The following ATG2B variants were observed in gnomAD, a reference collection of about 807,000 sequenced individuals.
The protein encoded by ATG2B is autophagy related 2B.
ATG2B carries 121 observed loss-of-function variants against 241.3 expected under a neutral mutation model. The observed-to-expected ratio is 0.50, with a 90% CI of 0.43 to 0.58. The LOEUF is 0.58. ATG2B is among the 20% of genes least tolerant of loss of function. The pLI, the probability that ATG2B is intolerant of heterozygous loss-of-function variation, is 0.00. For missense variants in ATG2B, 2,306 were observed against 2,491.6 expected (o/e 0.93, Z 1.59); for synonymous variants, 858 against 876.6 (o/e 0.98, Z 0.37).
In ATG2B at chr14:96,347,342, C is replaced by T. The variant is rs748244783; in HGVS notation, c.163-1G>A. ...CTGACTCCAAGATCTCATTGAGACA[C>T]TAAGGAGAAAAAACAGGTTCATTAT... On this transcript the variant is annotated splice_acceptor_variant, in intron 1 of 41. Transcript: ENST00000359933. LOFTEE classifies it high-confidence loss of function. 1 of 1,547,344 alleles carries T rather than the reference C, an allele frequency of 6.5e-7. No homozygotes were observed. The highest frequency in any genetic ancestry group is 8.8e-7 in the Non-Finnish European group (1 of 1,134,926).
intron 6 of ATG2B, among the ~76,000 whole-genome samples, chr14:96,339,361 CAT>C (rs1380723028): frequency 6.6e-6 from 1 of 151,190 alleles, no homozygotes; most frequent in Non-Finnish European, 1.5e-5. Flanking sequence ...TATATACACA[CAT>C]ATATATGTAT....
intron 41 of ATG2B, among the ~76,000 whole-genome samples, chr14:96,288,789 T>C (rs1486702735): frequency 1.4e-5 from 2 of 146,582 alleles, no homozygotes; most frequent in African/African-American, 5.1e-5. Context: ...TGCCAGGGAA[T>C]GACGCTGACA....
Position 96,295,497 on chromosome 14 carries a change from T to C in ATG2B, c.5203A>G (p.Thr1735Ala), listed in dbSNP as rs771796071. Reference sequence around the variant, plus strand: ...TATTTAATACCTTCTGGATCTGGAGTCATTTGAAGCTCTACTTCTGCAGAA... The same window carrying C: ...TATTTAATACCTTCTGGATCTGGAGCCATTTGAAGCTCTACTTCTGCAGAA... Reference protein sequence around the residue: ...SLSAEVELQMTPDPEVKKSPG... With the variant: ...SLSAEVELQMAPDPEVKKSPG... The change falls in exon 35 of 42, where the codon ACT (threonine) becomes GCT (alanine). Residue 1735 changes from threonine (T) to alanine (A), a missense_variant. This residue lies in a region of ATG2B where 379 missense variants were observed against 480.4 expected (regional missense o/e 0.79). Transcript: ENST00000359933. 6.2e-7 allele frequency: 1 copy of C among 1,602,002 alleles called. No individual in the cohort carries two copies. The highest frequency in any genetic ancestry group is 1.7e-5 in the Admixed American group (1 of 57,360).
Position 96,331,344 on chromosome 14 carries a change from A to G in ATG2B, c.1730+32T>C, listed in dbSNP as rs761951422. Reference sequence around the variant, plus strand: ...GGATCATTAGCATATGTGGAAGTTTAAAGGATCATTAATACATATGTGAGA... The same window carrying G: ...GGATCATTAGCATATGTGGAAGTTTGAAGGATCATTAATACATATGTGAGA... On this transcript the variant is annotated intron_variant, in intron 11 of 41. Transcript: ENST00000359933. The G allele has an allele frequency of 1.9e-6, 3 of 1,566,856 alleles. No individual in the cohort carries two copies. The South Asian group carries it at 3.6e-5, about 19-fold the overall frequency.
At position 96,339,427 on chromosome 14, in the gene ATG2B, T is replaced by C. The variant is rs1887953740; in HGVS notation, c.924+2095A>G. On this transcript the variant is annotated intron_variant, in intron 6 of 41. Transcript: ENST00000359933. ...TGTATGTGGTGCGTGTATATATATA[T>C]GGTGTATATTTATGTGGTATACATA... 1.3e-5 allele frequency among the ~76,000 whole-genome samples: 2 copies of C among 151,988 alleles called. 1 individual carries two copies. Among genetic ancestry groups the C allele is most frequent in the Admixed American group, 1.3e-4 (2 of 15,254 alleles).
Position 96,332,396 on chromosome 14 carries a change from C to G in ATG2B, c.1377G>C (p.Trp459Cys). 1 of 1,613,716 alleles carries G rather than the reference C, an allele frequency of 6.2e-7. No individual in the cohort carries two copies. Among genetic ancestry groups the G allele is most frequent in the Non-Finnish European group, 8.5e-7 (1 of 1,179,746 alleles). The change falls in exon 10 of 42, where the codon TGG becomes TGC. Residue 459 changes from tryptophan (W) to cysteine (C), a missense_variant. Coordinates refer to ENST00000359933, the MANE Select transcript of ATG2B (RefSeq NM_018036.7). ...PLSATVLQPT[W>C]GEFLDHHKEQ... is the part of the protein sequence containing the mutation. ...CTTTATGATGATCAAGGAACTCTCC[C>G]CAAGTGGGCTGAAGCTATAAAAGAT...
chr14:96,310,394 C>T (rs1423273100), intron 28 of ATG2B, among the ~76,000 whole-genome samples: 1 of 152,082 alleles, frequency 6.6e-6, no homozygotes, highest in Non-Finnish European at 1.5e-5. Context: ...GCTCTAGAAC[C>T]TAAGGGGACT....
Position 96,282,971 on chromosome 14 carries a change from G to A in ATG2B, c.*2784C>T, listed in dbSNP as rs1886238230. 6.6e-6 allele frequency: 1 copy of A among 152,128 alleles called. No homozygotes were observed. Among genetic ancestry groups the A allele is most frequent in the Non-Finnish European group, 1.5e-5 (1 of 68,028 alleles). The allele number at this position is 152,128 out of a possible 1,614,324, so 9.4% of individuals were successfully genotyped here. On this transcript the variant is annotated 3_prime_UTR_variant, in exon 42 of 42. Coordinates refer to ENST00000359933, the MANE Select transcript of ATG2B (RefSeq NM_018036.7). ...ATGTACTTAAGCGAGAATCCAAATC[G>A]TACCCAAACTTCATGAAAGTGAAAG...
rs1887048560 is a variant in ATG2B at position 96,308,272 on chromosome 14, ATATATATATATTT to A, written c.4303+1168_4303+1180del. On this transcript the variant is annotated intron_variant, in intron 29 of 41. Transcript: ENST00000359933. ...TATATACACACATATATATATATAT[ATATATATATATTT>A]TTTTTTTTTTTTTTTTTGAGACAGA... 1.2e-3 allele frequency among the ~76,000 whole-genome samples: 32 copies of A among 25,850 alleles called. 1 individual carries two copies. The highest frequency in any genetic ancestry group is 3.9e-3 in the African/African-American group (16 of 4,144). The allele number at this position is 25,850 out of a possible 152,430, so 17.0% of individuals were successfully genotyped here.
Position 96,309,511 on chromosome 14 carries a change from A to T in ATG2B, c.4245T>A (p.Asp1415Glu). ...DQQMLRDLMSDAMEEIDMQQG... is the reference protein window; with the variant it reads ...DQQMLRDLMSEAMEEIDMQQG... Reference sequence around the variant, plus strand: ...GTTGCATGTCGATCTCCTCCATAGCATCACTCATCAGATCTCGTAACATTT... The same window carrying T: ...GTTGCATGTCGATCTCCTCCATAGCTTCACTCATCAGATCTCGTAACATTT... The change falls in exon 29 of 42, where the codon GAT becomes GAA. Residue 1415 changes from aspartate (D) to glutamate (E), a missense_variant. By Grantham distance (45) the Asp-to-Glu change is conservative. Transcript: ENST00000359933. The T allele has an allele frequency of 1.2e-6, 2 of 1,614,118 alleles. No individual in the cohort carries two copies. Among genetic ancestry groups the T allele is most frequent in the Non-Finnish European group, 1.7e-6 (2 of 1,179,982 alleles).
In ATG2B at chr14:96,279,573, A is replaced by G. The variant is rs1162732931; in HGVS notation, c.*6182T>C. ...GGAGTGCCGCAAAGTTTAACAAACA[A>G]AAAAAAGGAAAGCATGCTATAGTGG... On this transcript the variant is annotated 3_prime_UTR_variant, in exon 42 of 42. Coordinates refer to ENST00000359933, the MANE Select transcript of ATG2B (RefSeq NM_018036.7). 1.3e-5 allele frequency: 2 copies of G among 152,252 alleles called. No homozygotes were observed. The highest frequency in any genetic ancestry group is 2.9e-5 in the Non-Finnish European group (2 of 68,064). The allele number at this position is 152,252 out of a possible 1,614,324, so 9.4% of individuals were successfully genotyped here.
At chr14:96,341,479 C>A (rs756840484) in intron 6 of ATG2B, 43 bp downstream of exon 6, 1 of 1,462,152 alleles carries the variant, frequency 6.8e-7, no homozygotes, top group Non-Finnish European at 9.2e-7. Context: ...AATACTTGTA[C>A]TTTTATTTTG....
intron 18 of ATG2B, among the ~76,000 whole-genome samples, 187 bp downstream of exon 18, chr14:96,321,925 C>T (rs141155199): frequency 6.6e-6 from 1 of 152,096 alleles, no homozygotes; most frequent in South Asian, 2.1e-4. Flanking sequence ...CCCGGCACCA[C>T]GCTAGTTAGG....
intron 1 of ATG2B, among the ~76,000 whole-genome samples, chr14:96,355,428 A>G (rs946132981): frequency 3.3e-5 from 5 of 152,178 alleles, no homozygotes; most frequent in African/African-American, 1.2e-4. Flanking sequence ...GTCAAAGATC[A>G]GATAGTTGCA....
chr14:96,308,257 C>T (rs11160330), intron 29 of ATG2B, among the ~76,000 whole-genome samples: 13,988 of 33,096 alleles, frequency 0.42, 2,042 homozygotes, highest in Non-Finnish European at 0.47. Flanking sequence ...TATATACACA[C>T]ATATATATAT....
At chr14:96,301,100 ATATGT>A (rs1322504181) in intron 34 of ATG2B, among the ~76,000 whole-genome samples, 4 of 152,232 alleles carry the variant, frequency 2.6e-5, no homozygotes, top group Non-Finnish European at 5.9e-5. Context: ...TGCAATTATC[ATATGT>A]TATGTTATTA....
In ATG2B at chr14:96,332,476, G is replaced by C; in HGVS notation, c.1362+25C>G. 6 of 1,611,384 alleles carry C rather than the reference G, an allele frequency of 3.7e-6. No individual in the cohort carries two copies. The South Asian group carries it at 6.6e-5, about 18-fold the overall frequency. Reference sequence around the variant, plus strand: ...ATTTTAGAAGCAACTTTTCAGTCTAGAAGAAAAATTAAGTAATACTTTACC... The same window carrying C: ...ATTTTAGAAGCAACTTTTCAGTCTACAAGAAAAATTAAGTAATACTTTACC... On this transcript the variant is annotated intron_variant, in intron 9 of 41. Transcript: ENST00000359933.
At chr14:96,320,117 TTAAGCAGTCAGC>T (rs1887421259) in intron 18 of ATG2B, among the ~76,000 whole-genome samples, 1 of 152,144 alleles carries the variant, frequency 6.6e-6, no homozygotes, top group African/African-American at 2.4e-5. Context: ...ACTCCCTGAC[TTAAGCAGTCAGC>T]TACCCAATTA....
At chr14:96,362,054 A>T (rs543716114) in intron 1 of ATG2B, among the ~76,000 whole-genome samples, 1 of 152,294 alleles carries the variant, frequency 6.6e-6, no homozygotes, top group South Asian at 2.1e-4. Context: ...GTCGAAATTC[A>T]GATGAAGCAC....
Sources: gnomAD v4.1 joint callset for allele counts (sites outside exome capture counted in the v4.1 genomes callset) on GRCh38, gnomAD v4.1.1 for gene constraint, gnomAD v4.1.1 regional missense constraint, MANE v1.5 for transcripts, NCBI Gene and HGNC (gene_info 2026-07-23, HGNC 2026-07-21) for gene names.